SPATA13: variants seen among roughly 807,000 people sequenced by gnomAD.
The protein encoded by SPATA13 is spermatogenesis-associated protein 13.
Under a neutral mutation model 104.0 loss-of-function variants are expected in SPATA13, and 50 were observed. The observed-to-expected ratio is 0.48, with a 90% CI of 0.38 to 0.61. SPATA13 has a LOEUF of 0.61. Among genes scored for constraint, SPATA13 ranks in the 20% least tolerant of loss-of-function variants. SPATA13 has a pLI of 0.00. For missense variants in SPATA13, 1,524 were observed against 1,690.6 expected, an observed-to-expected ratio of 0.90 and a Z score of 1.73; for synonymous variants, 606 against 667.5, an observed-to-expected ratio of 0.91 and a Z score of 1.42.
intron 2 of SPATA13, among the ~76,000 whole-genome samples, chr13:23,989,031 G>C (rs949587485): frequency 2.0e-5 from 3 of 152,184 alleles, no homozygotes; most frequent in Non-Finnish European, 4.4e-5. Flanking sequence ...GGAGAGTCCA[G>C]TGCAGTAGTC....
At chr13:24,044,714 A>G (rs1213228040) in intron 3 of SPATA13, among the ~76,000 whole-genome samples, 2 of 152,020 alleles carry the variant, frequency 1.3e-5, no homozygotes, top group Non-Finnish European at 2.9e-5. Flanking sequence ...TGAAATATAC[A>G]GTACATTATT....
chr13:24,159,103 T>TAA (rs200090739), upstream of SPATA13, among the ~76,000 whole-genome samples: 9 of 104,872 alleles, frequency 8.6e-5, no homozygotes, highest in African/African-American at 2.5e-4. Flanking sequence ...AAAGAGATAA[T>TAA]AAAAAAACCC....
chr13:24,112,695 A>G (rs1880684889), intron 3 of SPATA13, among the ~76,000 whole-genome samples: 1 of 152,160 alleles, frequency 6.6e-6, no homozygotes, highest in African/African-American at 2.4e-5. Context: ...CTGATGTCTC[A>G]GTCTTCATCT....
chr13:24,242,151 G>A (rs1872873087), intron 2 of SPATA13, among the ~76,000 whole-genome samples: 1 of 152,110 alleles, frequency 6.6e-6, no homozygotes, highest in Non-Finnish European at 1.5e-5. Context: ...AAACAAAATC[G>A]ACACTTGGTT....
At chr13:24,025,395 A>T (rs1014811497) in intron 3 of SPATA13, among the ~76,000 whole-genome samples, 1 of 152,168 alleles carries the variant, frequency 6.6e-6, no homozygotes, top group Non-Finnish European at 1.5e-5. Context: ...ATGGACATTA[A>T]TTTCCAGTTG....
chr13:24,256,500 C>T (rs1566176159), intron 4 of SPATA13, among the ~76,000 whole-genome samples: 1 of 151,884 alleles, frequency 6.6e-6, no homozygotes. Flanking sequence ...AAAAAACTCT[C>T]CAAATTAAGT....
intron 1 of SPATA13, among the ~76,000 whole-genome samples, chr13:24,208,199 A>T (rs1870818045): frequency 6.6e-6 from 1 of 152,206 alleles, no homozygotes; most frequent in Non-Finnish European, 1.5e-5. Flanking sequence ...GTTCAGAATC[A>T]AGGACCTGGT....
At chr13:24,007,002 G>C (rs1242369284) in intron 2 of SPATA13, among the ~76,000 whole-genome samples, 3 of 152,130 alleles carry the variant, frequency 2.0e-5, no homozygotes, top group African/African-American at 7.2e-5. Context: ...TTCCTTCCGT[G>C]TGGAGCCCCC....
rs940123503 is a variant in SPATA13, at chr13:24,036,234, G to A, written c.-112+18533G>A. ...TTTTCCAAAGCCCCAAAGACAATGAGTAGGAACGACAGTGTTTTGGTGTTT... is the reference window on the plus strand; with the variant it reads ...TTTTCCAAAGCCCCAAAGACAATGAATAGGAACGACAGTGTTTTGGTGTTT... On this transcript the variant is annotated intron_variant, in intron 3 of 14. Transcript: ENST00000424834. 3.3e-5 allele frequency among the ~76,000 whole-genome samples: 5 copies of A among 152,172 alleles called. No individual in the cohort carries two copies. In the South Asian group the frequency reaches 6.2e-4, roughly 19 times the overall value.
In SPATA13 at chr13:24,074,102, A is replaced by G. The variant is rs142542427; in HGVS notation, c.-112+56401A>G. On this transcript the variant is annotated intron_variant, in intron 3 of 14. Transcript: ENST00000424834. ...CAGTTTAGTAATGTTAAGTGCATTC[A>G]CATTTGTACATCCAATCTTCAGGAC... 6.7e-3 allele frequency among the ~76,000 whole-genome samples: 1,012 copies of G among 152,136 alleles called. 3 individuals carry two copies. Among genetic ancestry groups the G allele is most frequent in the Middle Eastern group, 0.037 (11 of 294 alleles).
chr13:24,101,698 G>T lies in SPATA13; in HGVS notation c.-112+83997G>T, dbSNP rs572869908. ...TCTGTCTCTACTAATCCGTAGAAGT[G>T]GAATCACGCACCTATATAAGTGGAA... On this transcript the variant is annotated intron_variant, in intron 3 of 14. Transcript: ENST00000424834. Among the ~76,000 whole-genome samples, 12 of 152,236 alleles carry T rather than the reference G, an allele frequency of 7.9e-5. No individual in the cohort carries two copies. In the South Asian group the frequency reaches 1.4e-3, roughly 18 times the overall value.
At chr13:24,045,648 G>T (rs933505368) in intron 3 of SPATA13, among the ~76,000 whole-genome samples, 4 of 152,220 alleles carry the variant, frequency 2.6e-5, no homozygotes, top group African/African-American at 9.6e-5. Context: ...AAGGGAAGTC[G>T]AGAAGTTCAA....
chr13:24,234,279 G>A (rs551480379), intron 2 of SPATA13, among the ~76,000 whole-genome samples: 3 of 152,198 alleles, frequency 2.0e-5, no homozygotes, highest in African/African-American at 4.8e-5. Flanking sequence ...ATCTTAATTA[G>A]CACCTCATTT....
intron 2 of SPATA13, among the ~76,000 whole-genome samples, chr13:24,006,629 C>T (rs556269126): frequency 1.3e-5 from 2 of 152,136 alleles, no homozygotes; most frequent in African/African-American, 2.4e-5. Flanking sequence ...TGGGAGGTGC[C>T]GGCTGATTTG....
At chr13:24,204,810 A>G (rs1271676314) in intron 1 of SPATA13, among the ~76,000 whole-genome samples, 2 of 152,224 alleles carry the variant, frequency 1.3e-5, no homozygotes, top group African/African-American at 2.4e-5. Flanking sequence ...ATAATATTCT[A>G]TTATATGTAT....
At chr13:24,122,016 G>A (rs1455155512) in intron 3 of SPATA13, 23 of 1,290,896 alleles carry the variant, frequency 1.8e-5, no homozygotes, top group Non-Finnish European at 2.3e-5. Context: ...CTGCTAGGAC[G>A]AACACAAGCT....
chr13:24,072,356 G>C (rs1879193482), intron 3 of SPATA13, among the ~76,000 whole-genome samples: 2 of 152,204 alleles, frequency 1.3e-5, no homozygotes, highest in African/African-American at 4.8e-5. Context: ...TTTGCAGAAA[G>C]ATAAATGGGA....
chr13:24,258,364 CA>C (rs3067220), intron 4 of SPATA13, among the ~76,000 whole-genome samples: 43,689 of 95,844 alleles, frequency 0.46, 7,872 homozygotes, highest in Admixed American at 0.54. Context: ...GAGTTCATCT[CA>C]AAAAAAAAAA....
intron 3 of SPATA13, among the ~76,000 whole-genome samples, chr13:24,121,720 A>G (rs368693359): frequency 5.9e-5 from 9 of 152,194 alleles, no homozygotes; most frequent in African/African-American, 1.7e-4. Flanking sequence ...GCCCTTGCCT[A>G]TTCTTTCCTC....
Sources: allele counts gnomAD v4.1 joint callset (sites outside exome capture counted in the v4.1 genomes callset), GRCh38; gene constraint gnomAD v4.1.1; transcripts MANE v1.5; gene names NCBI Gene and HGNC (gene_info 2026-07-23, HGNC 2026-07-21).